The following ARFGAP3 variants were observed in gnomAD, a reference collection of about 807,000 sequenced individuals.
The protein encoded by ARFGAP3 is ARF GTPase activating protein 3.
A neutral mutation model predicts 75.0 loss-of-function variants in ARFGAP3; 72 were observed. The observed-to-expected ratio is 0.96, with a 90% confidence interval of 0.79 to 1.17. ARFGAP3 has a LOEUF of 1.17. Among genes scored for constraint, ARFGAP3 ranks in the 50% most tolerant of loss-of-function variants. The pLI is 0.00. For synonymous variants in ARFGAP3, 221 were observed against 217.9 expected, an observed-to-expected ratio of 1.01 and a Z score of -0.13; for missense variants, 620 against 626.6, an observed-to-expected ratio of 0.99 and a Z score of 0.11.
intron 1 of ARFGAP3, among the ~76,000 whole-genome samples, chr22:42,849,467 T>A (rs1174608925): frequency 8.3e-6 from 1 of 120,332 alleles, no homozygotes; most frequent in Non-Finnish European, 1.9e-5. Flanking sequence ...TGCTAATCTT[T>A]ATGGCTTTTT....
intron 14 of ARFGAP3, among the ~76,000 whole-genome samples, chr22:42,803,900 C>CTTTTT (rs11289963): frequency 1.7e-5 from 2 of 119,694 alleles, no homozygotes; most frequent in Non-Finnish European, 1.6e-5. Context: ...CCTCCTTCCT[C>CTTTTT]TTTTTTTTTT....
chr22:42,798,936 A>G (rs376992419), intron 15 of ARFGAP3, 103 bp downstream of exon 15: 25 of 935,098 alleles, frequency 2.7e-5, no homozygotes, highest in South Asian at 2.0e-4. Flanking sequence ...CGATCCAATA[A>G]TATATAATTG....
chr22:42,808,736 G>C, intron 13 of ARFGAP3, 31 bp downstream of exon 13: 3 of 1,555,432 alleles, frequency 1.9e-6, no homozygotes, highest in Non-Finnish European at 2.6e-6. Flanking sequence ...CTGCATTATG[G>C]GGCACCCAAA....
At chr22:42,832,422 T>C (rs1452201365) in intron 5 of ARFGAP3, among the ~76,000 whole-genome samples, 1 of 151,388 alleles carries the variant, frequency 6.6e-6, no homozygotes, top group African/African-American at 2.4e-5. Flanking sequence ...TCCCAACTAC[T>C]TGGGAGGCTG....
chr22:42,850,336 C>T (rs1343444855), intron 1 of ARFGAP3, among the ~76,000 whole-genome samples: 1 of 151,860 alleles, frequency 6.6e-6, no homozygotes, highest in Non-Finnish European at 1.5e-5. Context: ...CTTTGGGAGG[C>T]CAAGGCAGGT....
At chr22:42,820,371 A>C (rs896204615) in intron 9 of ARFGAP3, among the ~76,000 whole-genome samples, 10 of 62,492 alleles carry the variant, frequency 1.6e-4, no homozygotes, top group African/African-American at 4.3e-4. Context: ...GCTGCCCCCT[A>C]TGTTCTGTGA....
chr22:42,836,271 T>G (rs1216965733), intron 3 of ARFGAP3, among the ~76,000 whole-genome samples: 1 of 152,136 alleles, frequency 6.6e-6, no homozygotes, highest in Non-Finnish European at 1.5e-5. Flanking sequence ...CCACCGCTCC[T>G]GGCCCTTTTC....
chr22:42,851,414 C>A (rs187447349), intron 1 of ARFGAP3, among the ~76,000 whole-genome samples: 10 of 152,354 alleles, frequency 6.6e-5, no homozygotes, highest in Admixed American at 6.5e-4. Flanking sequence ...ATCCTCCGGA[C>A]CCATCACCTA....
chr22:42,816,226 G>A (rs777314873), intron 11 of ARFGAP3, among the ~76,000 whole-genome samples: 2 of 152,140 alleles, frequency 1.3e-5, no homozygotes, highest in African/African-American at 2.4e-5. Flanking sequence ...CATTCTAAAC[G>A]TGCTATAGCA....
rs190264796 is a variant in ARFGAP3 at position 42,811,662 on chromosome 22, G to C, written c.1065-718C>G. ...TCAGCCTGGAGCCTGCAGTAAACTT[G>C]ATCTGATTTGCAAGCATCCCAGGAG... On this transcript the variant is annotated intron_variant, in intron 11 of 15. Coordinates refer to ENST00000263245, the MANE Select transcript of ARFGAP3 (RefSeq NM_014570.5). Among the ~76,000 whole-genome samples, 11 of 152,342 alleles carry C rather than the reference G, an allele frequency of 7.2e-5. No individual in the cohort carries two copies. In the East Asian group the frequency reaches 2.1e-3, roughly 29 times the overall value.
intron 11 of ARFGAP3, among the ~76,000 whole-genome samples, chr22:42,812,206 C>T (rs1006221519): frequency 1.0e-5 from 1 of 100,404 alleles, no homozygotes; most frequent in Non-Finnish European, 1.8e-5. Context: ...GCCTGGGTGA[C>T]AGAGTGGGAT....
chr22:42,804,728 C>G (rs952188261), intron 14 of ARFGAP3, among the ~76,000 whole-genome samples: 1 of 152,100 alleles, frequency 6.6e-6, no homozygotes, highest in Admixed American at 6.5e-5. Flanking sequence ...GTTAGCCAGG[C>G]TGCTCTTGAA....
intron 15 of ARFGAP3, 122 bp downstream of exon 15, chr22:42,798,917 C>A: frequency 2.4e-6 from 2 of 818,794 alleles, no homozygotes; most frequent in Non-Finnish European, 4.2e-6. Flanking sequence ...TATAGTGTAG[C>A]AAACATATCG....
At chr22:42,803,955 G>A (rs1185759498) in intron 14 of ARFGAP3, among the ~76,000 whole-genome samples, 1 of 140,318 alleles carries the variant, frequency 7.1e-6, no homozygotes. Context: ...CCAGGCTGGA[G>A]TGCAGTGGCA....
chr22:42,825,430 T>C (rs963327239), intron 7 of ARFGAP3, among the ~76,000 whole-genome samples: 1 of 152,156 alleles, frequency 6.6e-6, no homozygotes, highest in African/African-American at 2.4e-5. Context: ...TCCCAGCACT[T>C]TGGGAGGCCA....
intron 1 of ARFGAP3, among the ~76,000 whole-genome samples, chr22:42,855,043 T>G (rs1927437857): frequency 6.6e-6 from 1 of 152,250 alleles, no homozygotes; most frequent in Non-Finnish European, 1.5e-5. Flanking sequence ...CTAAGTGTTT[T>G]TCTTGGATTA....
At chr22:42,837,048 T>G (rs904512685) in intron 3 of ARFGAP3, among the ~76,000 whole-genome samples, 5 of 152,004 alleles carry the variant, frequency 3.3e-5, no homozygotes, top group African/African-American at 1.2e-4. Flanking sequence ...CTTTCTGGAG[T>G]TTGGAGGGTG....
In ARFGAP3 at chr22:42,797,404, G is replaced by A; in HGVS notation, c.*184C>T. ...GAAGGAACGTGAAACAGAAATCACA[G>A]GAAAGCTCCTACATCAGAACTCAGA... On this transcript the variant is annotated 3_prime_UTR_variant, in exon 16 of 16. Transcript: ENST00000263245. 7 of 708,646 alleles carry A rather than the reference G, an allele frequency of 9.9e-6. No homozygotes were observed. The South Asian group carries it at 1.3e-4, about 14-fold the overall frequency. 43.9% of individuals were successfully genotyped at this position (708,646 alleles called of 1,614,324 possible).
At chr22:42,849,668 A>G (rs1927185966) in intron 1 of ARFGAP3, among the ~76,000 whole-genome samples, 2 of 150,710 alleles carry the variant, frequency 1.3e-5, no homozygotes, top group Admixed American at 1.3e-4. Context: ...AGCTCGAGCC[A>G]TCCACCCCCC....
Sources: allele counts gnomAD v4.1 joint callset (sites outside exome capture counted in the v4.1 genomes callset), GRCh38; gene constraint gnomAD v4.1.1; transcripts MANE v1.5; gene names NCBI Gene and HGNC (gene_info 2026-07-23, HGNC 2026-07-21).